KAT6B: variants seen among roughly 807,000 people sequenced by gnomAD.
The protein encoded by KAT6B is histone acetyltransferase KAT6B.
A neutral mutation model predicts 187.5 loss-of-function variants in KAT6B; 10 were observed. The observed-to-expected ratio is 0.05, with a 90% CI of 0.03 to 0.09. The LOEUF is 0.09. KAT6B is among the 10% of genes least tolerant of loss of function. The pLI is 1.00. For synonymous variants in KAT6B, 861 were observed against 926.8 expected, an observed-to-expected ratio of 0.93 and a Z score of 1.29; for missense variants, 1,952 against 2,558.9, an observed-to-expected ratio of 0.76 and a Z score of 5.12.
chr10:74,852,319 T>C (rs186581089), intron 3 of KAT6B, among the ~76,000 whole-genome samples: 141 of 152,334 alleles, frequency 9.3e-4, no homozygotes, highest in Middle Eastern at 3.4e-3. Context: ...CATTTTGGAA[T>C]TGGTATGGAT....
At chr10:74,928,034 A>G (rs759766661) in intron 3 of KAT6B, among the ~76,000 whole-genome samples, 3 of 152,284 alleles carry the variant, frequency 2.0e-5, no homozygotes, top group South Asian at 4.1e-4. Flanking sequence ...TCAATCCTCT[A>G]TTTCATTAAG....
chr10:74,873,450 A>AAAATAAAT (rs143022282), intron 3 of KAT6B, among the ~76,000 whole-genome samples: 25 of 149,450 alleles, frequency 1.7e-4, no homozygotes, highest in Non-Finnish European at 1.2e-4. Context: ...GAGCAGCAGC[A>AAAATAAAT]AAATAAATAA....
rs140976589 is a variant in KAT6B at position 74,887,392 on chromosome 10, A to G, written c.621+43914A>G. The stretch of plus-strand genomic sequence containing the variant: ...GCTCAGGCTGGAGTGTAGTGGCGCA[A>G]TCTTGGCTCACTGCAACCTCTGCCT... On this transcript the variant is annotated intron_variant, in intron 3 of 17. Transcript: ENST00000287239. Among the ~76,000 whole-genome samples, 1,188 of 152,200 alleles carry G rather than the reference A, an allele frequency of 7.8e-3. 29 individuals carry two copies. The highest frequency in any genetic ancestry group is 0.025 in the African/African-American group (1,051 of 41,490).
chr10:74,864,414 G>GT (rs1843410928), intron 3 of KAT6B, among the ~76,000 whole-genome samples: 1 of 151,878 alleles, frequency 6.6e-6, no homozygotes, highest in Admixed American at 6.6e-5. Context: ...CTAATTTTGT[G>GT]TTTTTTAGTA....
At chr10:74,834,364 A>T (rs940629338) in intron 1 of KAT6B, among the ~76,000 whole-genome samples, 30 of 151,748 alleles carry the variant, frequency 2.0e-4, no homozygotes, top group Non-Finnish European at 4.4e-5. Flanking sequence ...CGCCTGGCTA[A>T]TTTTTTGTAT....
At chr10:75,027,814 T>C (rs1429237266) in intron 17 of KAT6B, among the ~76,000 whole-genome samples, 1 of 152,160 alleles carries the variant, frequency 6.6e-6, no homozygotes, top group African/African-American at 2.4e-5. Flanking sequence ...AGAATACCTG[T>C]ATTTTAAATG....
In KAT6B at chr10:75,030,635, C is replaced by A; in HGVS notation, c.5811C>A (p.Ala1937=). ...CAGCGTCTCTGTCACCAGCCGCTGC[C>A]ACCCATCAGTCACAAATCTATGGGC... The part of the protein sequence containing the change: ...TKSASLSPAA[A]THQSQIYGRS... Residue 1937 remains alanine, a synonymous_variant, in exon 18 of 18, where the codon GCC becomes GCA. Coordinates refer to ENST00000287239, the MANE Select transcript of KAT6B (RefSeq NM_012330.4). This position sits in a 1 kb window ranked among gnomAD's most constrained non-coding sequence, Gnocchi z 4.8. 6.2e-7 allele frequency: 1 copy of A among 1,613,802 alleles called. No individual in the cohort carries two copies. Among genetic ancestry groups the A allele is most frequent in the Non-Finnish European group, 8.5e-7 (1 of 1,179,630 alleles).
At chr10:74,945,290 A>G (rs1194396160) in intron 3 of KAT6B, among the ~76,000 whole-genome samples, 1 of 152,246 alleles carries the variant, frequency 6.6e-6, no homozygotes, top group East Asian at 1.9e-4. Flanking sequence ...GTATGATTTC[A>G]TATATGAAAT....
intron 3 of KAT6B, among the ~76,000 whole-genome samples, chr10:74,909,475 A>C (rs1847035572): frequency 6.6e-6 from 1 of 152,204 alleles, no homozygotes. Flanking sequence ...CCAGCTTATT[A>C]TGGGCTGGAT....
At chr10:74,951,250 C>T (rs886811177) in intron 3 of KAT6B, among the ~76,000 whole-genome samples, 2 of 151,960 alleles carry the variant, frequency 1.3e-5, no homozygotes, top group Non-Finnish European at 2.9e-5. Context: ...CTGCCTCAGC[C>T]TCCAGAGTAG....
At chr10:74,988,003 G>A (rs1430128902) in intron 12 of KAT6B, among the ~76,000 whole-genome samples, 1 of 152,196 alleles carries the variant, frequency 6.6e-6, no homozygotes, top group African/African-American at 2.4e-5. Context: ...AACTACAAAT[G>A]TGCAAAAGTT....
At chr10:74,917,242 A>G (rs1847756874) in intron 3 of KAT6B, among the ~76,000 whole-genome samples, 1 of 152,230 alleles carries the variant, frequency 6.6e-6, no homozygotes, top group Non-Finnish European at 1.5e-5. Flanking sequence ...TTAATTATAT[A>G]TAACCTTATG....
intron 3 of KAT6B, among the ~76,000 whole-genome samples, chr10:74,887,133 A>G (rs1328258747): frequency 1.3e-5 from 2 of 152,160 alleles, no homozygotes; most frequent in Non-Finnish European, 2.9e-5. Context: ...GGATCTAGTC[A>G]TCAGAGTTAC....
intron 3 of KAT6B, among the ~76,000 whole-genome samples, chr10:74,886,230 T>C (rs1388182663): frequency 1.3e-5 from 2 of 152,100 alleles, no homozygotes; most frequent in African/African-American, 4.8e-5. Context: ...TGAGAGAAGG[T>C]TGAGGTGGGA....
intron 3 of KAT6B, among the ~76,000 whole-genome samples, chr10:74,874,832 A>ATG (rs1050490211): frequency 2.7e-5 from 4 of 150,226 alleles, no homozygotes; most frequent in Admixed American, 6.7e-5. Context: ...GTGTGTGTGT[A>ATG]TGTGTGTGTG....
chr10:74,910,422 C>T (rs1370401233), intron 3 of KAT6B, among the ~76,000 whole-genome samples: 1 of 152,152 alleles, frequency 6.6e-6, no homozygotes, highest in East Asian at 1.9e-4. Context: ...TTTTCAACAG[C>T]CTTATCAGGA....
intron 2 of KAT6B, among the ~76,000 whole-genome samples, chr10:74,839,012 G>T (rs1841526630): frequency 6.6e-6 from 1 of 151,850 alleles, no homozygotes; most frequent in Non-Finnish European, 1.5e-5. Context: ...AATTAGCTGG[G>T]CGTGGTGGTG....
chr10:75,001,375 C>T (rs2133970548), intron 13 of KAT6B, among the ~76,000 whole-genome samples: 1 of 152,260 alleles, frequency 6.6e-6, no homozygotes, highest in African/African-American at 2.4e-5. Context: ...TGGTTTCCTG[C>T]TCCCTGCTTC....
intron 3 of KAT6B, among the ~76,000 whole-genome samples, chr10:74,906,161 A>G (rs1376836169): frequency 6.6e-6 from 1 of 152,180 alleles, no homozygotes. Context: ...GCACTTTGGG[A>G]GGCCGAGGCA....
Sources: allele counts gnomAD v4.1 joint callset (sites outside exome capture counted in the v4.1 genomes callset), GRCh38; gene constraint gnomAD v4.1.1; non-coding constraint Gnocchi (gnomAD v3.1); transcripts MANE v1.5; gene names NCBI Gene and HGNC (gene_info 2026-07-23, HGNC 2026-07-21).